NAMPT: variants seen among roughly 807,000 people sequenced by gnomAD.
The protein encoded by NAMPT is NAmPRTase.
A neutral mutation model predicts 58.7 loss-of-function variants in NAMPT; 7 were observed. The ratio of observed to expected loss-of-function variants is 0.12; its 90% CI spans 0.07 to 0.22. NAMPT has a LOEUF of 0.22. Ranked by LOEUF, NAMPT falls within the 10% of genes least tolerant of loss-of-function variation. The pLI, the probability that NAMPT is intolerant of heterozygous loss-of-function variation, is 1.00. For synonymous variants in NAMPT, 145 were observed against 198.1 expected (o/e 0.73, Z 2.25); for missense variants, 271 against 567.9 (o/e 0.48, Z 5.31).
At chr7:106,277,895 A>G (rs1792682463) in intron 1 of NAMPT, among the ~76,000 whole-genome samples, 1 of 152,248 alleles carries the variant, frequency 6.6e-6, no homozygotes, top group Non-Finnish European at 1.5e-5. Flanking sequence ...GCTTTTAAGA[A>G]AGAAAAAGTA....
In NAMPT at chr7:106,257,467, A is replaced by G. The variant is rs561761827; in HGVS notation, c.1090-2963T>C. On this transcript the variant is annotated intron_variant, in intron 8 of 10. Transcript: ENST00000222553. ...GACCCCCATCTCTACAAAACATTAA[A>G]AAAAAAAAAAAAAAAGAGTCAGGTG... 2.8e-3 allele frequency among the ~76,000 whole-genome samples: 391 copies of G among 139,738 alleles called. 4 individuals carry two copies. Among genetic ancestry groups the G allele is most frequent in the African/African-American group, 0.011 (372 of 35,366 alleles). 91.7% of individuals were successfully genotyped at this position (139,738 alleles called of 152,430 possible).
At chr7:106,281,849 T>G (rs1792772077) in intron 1 of NAMPT, among the ~76,000 whole-genome samples, 1 of 152,214 alleles carries the variant, frequency 6.6e-6, no homozygotes, top group African/African-American at 2.4e-5. Context: ...TTCTAATGAC[T>G]TGTATCTCTT....
At chr7:106,283,113 G>A (rs1262895704) in intron 1 of NAMPT, among the ~76,000 whole-genome samples, 1 of 151,810 alleles carries the variant, frequency 6.6e-6, no homozygotes, top group East Asian at 1.9e-4. Flanking sequence ...GTGACTTTTG[G>A]GGAAAAAATG....
intron 8 of NAMPT, among the ~76,000 whole-genome samples, chr7:106,256,287 T>A (rs537244822): frequency 2.9e-4 from 44 of 152,366 alleles, no homozygotes; most frequent in African/African-American, 1.1e-3. Context: ...CAGTTTCATT[T>A]TGGTACACAG....
At chr7:106,280,814 G>A (rs1266429503) in intron 1 of NAMPT, among the ~76,000 whole-genome samples, 5 of 151,702 alleles carry the variant, frequency 3.3e-5, no homozygotes, top group African/African-American at 7.3e-5. Context: ...GGTGGCACGC[G>A]CCTGTAGTCC....
At position 106,269,302 on chromosome 7, in the gene NAMPT, A is replaced by C; in HGVS notation, c.458T>G (p.Val153Gly). ...CACTGTGATTGGATACCAGGACTGA[A>C]CAAGAATAGTCTGTAGTAACAAAAT... ...WLTNWIETIL[V>G]QSWYPITVAT... The change falls in exon 5 of 11, where the codon GTT becomes GGT. Residue 153 changes from valine (V) to glycine (G), a missense_variant. Coordinates refer to ENST00000222553, the MANE Select transcript of NAMPT (RefSeq NM_005746.3). 3 of 1,613,022 alleles carry C rather than the reference A, an allele frequency of 1.9e-6. No homozygotes were observed. The highest frequency in any genetic ancestry group is 2.5e-6 in the Non-Finnish European group (3 of 1,179,092).
upstream of NAMPT, chr7:106,285,259 G>A (rs1035756826): frequency 1.2e-6 from 1 of 845,982 alleles, no homozygotes. Context: ...CCTCCCAGAC[G>A]CCAGCTCTGG....
intron 8 of NAMPT, among the ~76,000 whole-genome samples, chr7:106,260,936 A>T (rs1792291018): frequency 6.6e-6 from 1 of 152,214 alleles, no homozygotes; most frequent in South Asian, 2.1e-4. Context: ...TCACCATAAC[A>T]GATATAATGA....
Position 106,263,672 on chromosome 7 carries a change from T to G in NAMPT, c.744-55A>C, listed in dbSNP as rs1792355800. 4 of 1,292,718 alleles carry G rather than the reference T, an allele frequency of 3.1e-6. No individual in the cohort carries two copies. In the Admixed American group the frequency reaches 6.9e-5, roughly 22 times the overall value. 80.1% of individuals were successfully genotyped at this position (1,292,718 alleles called of 1,614,324 possible). Reference sequence around the variant, plus strand: ...CTTAGGCAGACACTTGATCTATCCCTGAATCACCTTTAATCATATCTCATG... The same window carrying G: ...CTTAGGCAGACACTTGATCTATCCCGGAATCACCTTTAATCATATCTCATG... On this transcript the variant is annotated intron_variant, in intron 6 of 10. Coordinates refer to ENST00000222553, the MANE Select transcript of NAMPT (RefSeq NM_005746.3).
rs1240255784 is a variant in NAMPT, at chr7:106,248,391, A to G, written c.*2692T>C. On this transcript the variant is annotated 3_prime_UTR_variant, in exon 11 of 11. Coordinates refer to ENST00000222553, the MANE Select transcript of NAMPT (RefSeq NM_005746.3). ...TAGACTTAACATACAACTTGGGAGA[A>G]AAGCTGACATTCTCCACTGAATGGG... 6.6e-6 allele frequency: 1 copy of G among 152,550 alleles called. No homozygotes were observed. Among genetic ancestry groups the G allele is most frequent in the Non-Finnish European group, 1.5e-5 (1 of 67,994 alleles). The allele number at this position is 152,550 out of a possible 1,614,324, so 9.4% of individuals were successfully genotyped here.
chr7:106,264,885 T>G (rs185753157), intron 6 of NAMPT, among the ~76,000 whole-genome samples: 243 of 149,370 alleles, frequency 1.6e-3, no homozygotes, highest in Non-Finnish European at 2.8e-3. Context: ...GTGTGTGTGT[T>G]TTTTTTTTTA....
intron 9 of NAMPT, 160 bp from the exon 10 acceptor site, chr7:106,253,311 A>C: frequency 1.5e-6 from 1 of 677,964 alleles, no homozygotes; most frequent in Non-Finnish European, 2.5e-6. Context: ...GAAACATAAC[A>C]CTTTAGCCTG....
intron 1 of NAMPT, among the ~76,000 whole-genome samples, chr7:106,278,231 T>C (rs1562819221): frequency 6.6e-6 from 1 of 152,204 alleles, no homozygotes; most frequent in African/African-American, 2.4e-5. Flanking sequence ...AGAATCTTCA[T>C]AGCTTAGTAC....
rs1792094773 is a variant in NAMPT at position 106,250,920 on chromosome 7, T to C, written c.*163A>G. ...TTACATGGTTAAATGCATTTCCTAA[T>C]TTGAGATCACCTAAACACTGGAAAA... On this transcript the variant is annotated 3_prime_UTR_variant, in exon 11 of 11. Coordinates refer to ENST00000222553, the MANE Select transcript of NAMPT (RefSeq NM_005746.3). The C allele has an allele frequency of 3.3e-6, 2 of 608,844 alleles. No homozygotes were observed. Among genetic ancestry groups the C allele is most frequent in the African/African-American group, 3.8e-5 (2 of 52,408 alleles). The allele number at this position is 608,844 out of a possible 1,614,324, so 37.7% of individuals were successfully genotyped here.
chr7:106,280,936 G>A (rs758012098), intron 1 of NAMPT, among the ~76,000 whole-genome samples: 28 of 150,318 alleles, frequency 1.9e-4, no homozygotes, highest in Admixed American at 2.7e-4. Context: ...GCAACACTCC[G>A]TCTCAAAAAA....
Position 106,284,886 on chromosome 7 carries a change from T to G in NAMPT, c.-2A>C. On this transcript the variant is annotated 5_prime_UTR_variant, in exon 1 of 11. Coordinates refer to ENST00000222553, the MANE Select transcript of NAMPT (RefSeq NM_005746.3). Reference sequence around the variant, plus strand: ...CTCGGCTTCTGCCGCAGGATTCATCTCGGGCCGGAGGACAGGGGCCGCGCG... The same window carrying G: ...CTCGGCTTCTGCCGCAGGATTCATCGCGGGCCGGAGGACAGGGGCCGCGCG... 6.3e-7 allele frequency: 1 copy of G among 1,583,892 alleles called. No homozygotes were observed.
chr7:106,285,241 G>T, upstream of NAMPT: 13 of 942,116 alleles, frequency 1.4e-5, no homozygotes, highest in Non-Finnish European at 1.7e-5. Context: ...CGTGATGCAC[G>T]CGCTCTTCCT....
At chr7:106,285,003 GGGAGAGGGGGAAAC>G, upstream of NAMPT, 1 of 1,458,294 alleles carries the variant, frequency 6.9e-7, no homozygotes, top group South Asian at 1.3e-5. Context: ...GCGGAGGAGG[GGGAGAGGGGGAAAC>G]GGAGAGAGGG....
intron 8 of NAMPT, 176 bp downstream of exon 8, chr7:106,261,412 C>G: frequency 2.0e-6 from 1 of 496,274 alleles, no homozygotes; most frequent in South Asian, 4.4e-5. Flanking sequence ...GCTTGGCTGG[C>G]ACCTCTGTAT....
Sources: allele counts gnomAD v4.1 joint callset (sites outside exome capture counted in the v4.1 genomes callset), GRCh38; gene constraint gnomAD v4.1.1; transcripts MANE v1.5; gene names NCBI Gene and HGNC (gene_info 2026-07-23, HGNC 2026-07-21).